KCNMA1: variants seen among roughly 807,000 people sequenced by gnomAD.
KCNMA1 encodes the protein Calcium-activated potassium channel subunit alpha-1.
KCNMA1 carries 29 observed loss-of-function variants against 140.0 expected under a neutral mutation model. The observed-to-expected ratio is 0.21, with a 90% CI of 0.15 to 0.28. The LOEUF (loss-of-function observed/expected upper bound fraction) is 0.28, where lower values mean the gene tolerates loss of function less well. Ranked by LOEUF, KCNMA1 falls within the 10% of genes least tolerant of loss-of-function variation. The probability of loss-of-function intolerance (pLI) is 1.00; values close to 1 mark genes in which losing one functional copy is unlikely to be tolerated. For missense variants in KCNMA1, 880 were observed against 1,602.2 expected (o/e 0.55, Z 7.70); for synonymous variants, 612 against 611.9 (o/e 1.00, Z 0.00).
intron 6 of KCNMA1, among the ~76,000 whole-genome samples, chr10:77,112,666 AT>A (rs1441155862): frequency 1.3e-4 from 20 of 152,300 alleles, no homozygotes; most frequent in Middle Eastern, 3.4e-3. Flanking sequence ...ATTAACTTTT[AT>A]TTAAAAAACT....
At chr10:76,996,318 T>C (rs1294272895) in intron 19 of KCNMA1, among the ~76,000 whole-genome samples, 3 of 152,216 alleles carry the variant, frequency 2.0e-5, no homozygotes, top group African/African-American at 7.2e-5. Flanking sequence ...CCAGTCAACC[T>C]ATGGCTCAGC....
intron 3 of KCNMA1, among the ~76,000 whole-genome samples, chr10:77,233,942 G>C (rs2054523642): frequency 6.6e-6 from 1 of 152,110 alleles, no homozygotes; most frequent in Non-Finnish European, 1.5e-5. Context: ...ACAGAATCAG[G>C]TGTTCTACAA....
intron 1 of KCNMA1, among the ~76,000 whole-genome samples, chr10:77,554,014 T>C (rs816865): frequency 0.29 from 44,267 of 151,614 alleles, 7,286 homozygotes; most frequent in African/African-American, 0.45. Context: ...ATACTGTGGC[T>C]ACGATGGGCA....
At chr10:77,391,358 G>A (rs545487936) in intron 2 of KCNMA1, among the ~76,000 whole-genome samples, 129 of 152,176 alleles carry the variant, frequency 8.5e-4, no homozygotes, top group African/African-American at 2.6e-3. Flanking sequence ...CCCTCACCCC[G>A]TCTCCATCAT....
chr10:76,887,336 T>C lies in KCNMA1; in HGVS notation c.3641A>G (p.Asn1214Ser), dbSNP rs1564710775. 6.2e-7 allele frequency: 1 copy of C among 1,613,982 alleles called. No individual in the cohort carries two copies. The highest frequency in any genetic ancestry group is 8.5e-7 in the Non-Finnish European group (1 of 1,179,994). ...SSVHSIPSTA[N>S]RQNRPKSRES... ...CCTGGACTTGGGCCGGTTCTGTCGG[T>C]TTGCTGTGGATGGGATGGAGTGAAC... Residue 1214 changes from asparagine (N) to serine (S), a missense_variant, in exon 28 of 28, where the codon AAC becomes AGC. Physicochemically the swap from Asn to Ser is conservative, Grantham distance 46. Around this residue, in one of 13 missense-constraint regions of KCNMA1, gnomAD observed 115 missense variants for 139.9 expected, o/e 0.82. Transcript: ENST00000286628.
intron 2 of KCNMA1, among the ~76,000 whole-genome samples, chr10:77,310,089 G>A (rs1287377951): frequency 1.3e-5 from 2 of 152,160 alleles, no homozygotes; most frequent in Non-Finnish European, 2.9e-5. Context: ...TTGAAGGCAT[G>A]GGGGGACATG....
chr10:77,252,556 T>TGTGTGTGTGTGTGTGTGTGTGC (rs1341882275), intron 2 of KCNMA1, among the ~76,000 whole-genome samples: 3 of 149,318 alleles, frequency 2.0e-5, no homozygotes, highest in African/African-American at 7.3e-5. Context: ...TGTGTGTGTG[T>TGTGTGTGTGTGTGTGTGTGTGC]GCGGGCACGT....
At chr10:77,287,368 T>G (rs931206984) in intron 2 of KCNMA1, among the ~76,000 whole-genome samples, 1 of 152,168 alleles carries the variant, frequency 6.6e-6, no homozygotes, top group Non-Finnish European at 1.5e-5. Flanking sequence ...AAGCACAGAC[T>G]ATCTACCTAC....
intron 2 of KCNMA1, among the ~76,000 whole-genome samples, chr10:77,342,393 G>T (rs558756089): frequency 6.6e-6 from 1 of 152,300 alleles, no homozygotes; most frequent in East Asian, 1.9e-4. Flanking sequence ...AGGTGGAAGG[G>T]AAGGTCAAGG....
chr10:77,065,764 C>T (rs1026543138), intron 14 of KCNMA1, among the ~76,000 whole-genome samples: 4 of 152,170 alleles, frequency 2.6e-5, no homozygotes, highest in African/African-American at 9.7e-5. Context: ...TTATTACATG[C>T]ACACTTTTAT....
chr10:77,597,511 T>C (rs2081286353), intron 1 of KCNMA1, among the ~76,000 whole-genome samples: 1 of 152,062 alleles, frequency 6.6e-6, no homozygotes, highest in Non-Finnish European at 1.5e-5. Flanking sequence ...TATCAATAAA[T>C]AATAATAAAT....
intron 1 of KCNMA1, among the ~76,000 whole-genome samples, chr10:77,584,129 C>T (rs1430750541): frequency 6.6e-6 from 1 of 152,102 alleles, no homozygotes; most frequent in Non-Finnish European, 1.5e-5. Context: ...ACGCAGTGAG[C>T]AGGACTTGGG....
intron 21 of KCNMA1, among the ~76,000 whole-genome samples, chr10:76,950,604 C>A (rs915612913): frequency 2.0e-5 from 3 of 152,204 alleles, no homozygotes; most frequent in Admixed American, 1.3e-4. Context: ...ATGTGGCTTA[C>A]AATGCTTTGG....
intron 1 of KCNMA1, among the ~76,000 whole-genome samples, chr10:77,564,642 C>CA (rs1400359388): frequency 6.6e-6 from 1 of 152,200 alleles, no homozygotes; most frequent in African/African-American, 2.4e-5. Context: ...CTTCCCAAGA[C>CA]CAAGCGCTCT....
chr10:77,617,631 A>G (rs2090039513), intron 1 of KCNMA1, among the ~76,000 whole-genome samples: 1 of 152,206 alleles, frequency 6.6e-6, no homozygotes, highest in African/African-American at 2.4e-5. Flanking sequence ...TGGTACTGCC[A>G]CTTATTAAGG....
At chr10:77,607,729 A>AT (rs1406282782) in intron 1 of KCNMA1, among the ~76,000 whole-genome samples, 1 of 152,190 alleles carries the variant, frequency 6.6e-6, no homozygotes, top group Non-Finnish European at 1.5e-5. Flanking sequence ...TCCAGAAGGA[A>AT]CCAGCCCTGC....
chr10:77,284,764 T>C (rs2070113805), intron 2 of KCNMA1, among the ~76,000 whole-genome samples: 1 of 152,278 alleles, frequency 6.6e-6, no homozygotes, highest in Non-Finnish European at 1.5e-5. Context: ...TCCTCCCACC[T>C]TGGCCTCCCA....
rs138157588 is a variant in KCNMA1, at chr10:77,322,472, T to C, written c.541-71216A>G. Among the ~76,000 whole-genome samples, 552 of 152,340 alleles carry C rather than the reference T, an allele frequency of 3.6e-3. 3 individuals carry two copies. The highest frequency in any genetic ancestry group is 4.0e-3 in the Non-Finnish European group (274 of 68,026). ...ACTCACAAGATGTGTGCTGCAGATG[T>C]GTTTATCAGAACTCAAAAGTTTCCT... On this transcript the variant is annotated intron_variant, in intron 2 of 27. Transcript: ENST00000286628.
At chr10:77,490,095 C>T (rs529459244) in intron 1 of KCNMA1, among the ~76,000 whole-genome samples, 59 of 152,330 alleles carry the variant, frequency 3.9e-4, no homozygotes, top group Non-Finnish European at 7.1e-4. Context: ...GCACCCACCC[C>T]AATTTGCCAA....
Sources: gnomAD v4.1 joint callset for allele counts (sites outside exome capture counted in the v4.1 genomes callset) on GRCh38, gnomAD v4.1.1 for gene constraint, gnomAD v4.1.1 regional missense constraint, MANE v1.5 for transcripts, NCBI Gene and HGNC (gene_info 2026-07-23, HGNC 2026-07-21) for gene names.